The following ITGA8 variants were observed in gnomAD, a reference collection of about 807,000 sequenced individuals.
The protein encoded by ITGA8 is integrin alpha-8.
In ITGA8, 91 loss-of-function variants were observed where a neutral mutation model predicts 142.3. That is an observed-to-expected ratio of 0.64 (90% confidence interval 0.54 to 0.76). The LOEUF is 0.76. Among genes scored for constraint, ITGA8 ranks in the 30% least tolerant of loss-of-function variants. ITGA8 has a pLI of 0.00. For missense variants in ITGA8, 1,406 were observed against 1,327.7 expected (o/e 1.06, Z -0.92); for synonymous variants, 505 against 485.2 (o/e 1.04, Z -0.54).
chr10:15,537,165 A>T (rs748745792), intron 27 of ITGA8, among the ~76,000 whole-genome samples: 1 of 152,242 alleles, frequency 6.6e-6, no homozygotes, highest in Admixed American at 6.5e-5. Context: ...ATAACGCAAC[A>T]AGTCATATCC....
intron 13 of ITGA8, among the ~76,000 whole-genome samples, chr10:15,621,213 G>C (rs1833485025): frequency 6.6e-6 from 1 of 150,948 alleles, no homozygotes. Context: ...ATTAAAATTG[G>C]GTCTTTCCTT....
chr10:15,668,205 G>A (rs942539766), intron 8 of ITGA8, among the ~76,000 whole-genome samples: 1 of 152,092 alleles, frequency 6.6e-6, no homozygotes, highest in Non-Finnish European at 1.5e-5. Flanking sequence ...GGGTGCTTCT[G>A]TATTGGGTGC....
chr10:15,655,321 T>C, intron 11 of ITGA8, 33 bp downstream of exon 11: 1 of 1,321,406 alleles, frequency 7.6e-7, no homozygotes, highest in South Asian at 1.2e-5. Flanking sequence ...ATGAATGTAA[T>C]ATATTGTATA....
At chr10:15,628,836 A>G (rs1833634582) in intron 13 of ITGA8, among the ~76,000 whole-genome samples, 1 of 152,002 alleles carries the variant, frequency 6.6e-6, no homozygotes, top group Non-Finnish European at 1.5e-5. Flanking sequence ...CATGTACCCC[A>G]TAACTACAAA....
rs7080928 is a variant in ITGA8 at position 15,535,364 on chromosome 10, G to A, written c.2881-4213C>T. ...GGCAGGCAGCTCCACCTGCGGCGCC[G>A]GTGCGGGATCCACTAGGCGAAGCCA... On this transcript the variant is annotated intron_variant, in intron 27 of 29. Transcript: ENST00000378076. 4.1e-4 allele frequency among the ~76,000 whole-genome samples: 62 copies of A among 152,206 alleles called. 1 individual carries two copies. The highest frequency in any genetic ancestry group is 7.6e-4 in the Non-Finnish European group (52 of 68,004).
intron 8 of ITGA8, among the ~76,000 whole-genome samples, chr10:15,662,388 T>G (rs1834306468): frequency 7.2e-6 from 1 of 138,588 alleles, no homozygotes; most frequent in South Asian, 2.3e-4. Flanking sequence ...CAGCCTGGAG[T>G]GTAGTGGCAT....
intron 26 of ITGA8, among the ~76,000 whole-genome samples, chr10:15,557,390 A>C (rs1209227779): frequency 6.6e-6 from 1 of 152,174 alleles, no homozygotes; most frequent in Non-Finnish European, 1.5e-5. Context: ...CGAACAAACA[A>C]AAAAAGTGCT....
chr10:15,594,192 C>G (rs1832975736), intron 21 of ITGA8, among the ~76,000 whole-genome samples: 1 of 151,978 alleles, frequency 6.6e-6, no homozygotes, highest in Admixed American at 6.6e-5. Context: ...AGGCTCTTCT[C>G]TCCTTTTTAG....
chr10:15,694,198 TATATC>T (rs1422586748), intron 2 of ITGA8, among the ~76,000 whole-genome samples: 7 of 142,076 alleles, frequency 4.9e-5, no homozygotes, highest in South Asian at 4.3e-4. Flanking sequence ...TATATGATAA[TATATC>T]ATATATATGA....
chr10:15,598,849 G>A (rs972438751), intron 20 of ITGA8, among the ~76,000 whole-genome samples: 4 of 152,028 alleles, frequency 2.6e-5, no homozygotes, highest in Admixed American at 6.6e-5. Flanking sequence ...TAGTTACGTC[G>A]GATGAGCTAA....
chr10:15,575,548 G>C lies in ITGA8; in HGVS notation c.2419C>G (p.Pro807Ala), dbSNP rs371823194. 1.9e-6 allele frequency: 3 copies of C among 1,614,020 alleles called. No individual in the cohort carries two copies. In the Admixed American group the frequency reaches 5.0e-5, roughly 27 times the overall value. The change falls in exon 24 of 30, where the codon CCA becomes GCA. Residue 807 changes from proline to alanine, a missense_variant. Physicochemically the swap from Pro to Ala is conservative, Grantham distance 27. Transcript: ENST00000378076. ...TCCTCTTTGTGGGGCTCCTCTTCTG[G>C]TTCCCAGTTATGAATGGGCAGAACA... ...QIVLPIHNWE[P>A]EEEPHKEEEV...
intron 13 of ITGA8, among the ~76,000 whole-genome samples, chr10:15,627,743 C>T (rs190286290): frequency 4.7e-4 from 71 of 152,196 alleles, no homozygotes; most frequent in Non-Finnish European, 8.4e-4. Flanking sequence ...TGTTTTTATG[C>T]CTCCTACTGT....
At chr10:15,524,662 G>A (rs901875919) in intron 28 of ITGA8, among the ~76,000 whole-genome samples, 20 of 152,214 alleles carry the variant, frequency 1.3e-4, no homozygotes, top group African/African-American at 4.8e-4. Flanking sequence ...GCTCTGTATA[G>A]ATAAACTAGA....
intron 26 of ITGA8, among the ~76,000 whole-genome samples, chr10:15,550,422 T>C (rs1410718822): frequency 6.6e-6 from 1 of 152,226 alleles, no homozygotes; most frequent in Non-Finnish European, 1.5e-5. Context: ...GCTGACATGC[T>C]GTGTACCACT....
intron 2 of ITGA8, among the ~76,000 whole-genome samples, chr10:15,695,427 A>G (rs1346113148): frequency 1.3e-5 from 2 of 152,208 alleles, no homozygotes; most frequent in African/African-American, 4.8e-5. Flanking sequence ...TAAGATATAT[A>G]TGGGTTGACT....
chr10:15,605,692 T>C (rs1351454243), intron 19 of ITGA8, 32 bp downstream of exon 19: 1 of 1,543,194 alleles, frequency 6.5e-7, no homozygotes, highest in Non-Finnish European at 9.0e-7. Flanking sequence ...TTCCATTAGA[T>C]AGAAAGTACA....
chr10:15,517,020 G>A lies in ITGA8; in HGVS notation c.*138C>T, dbSNP rs1832974483. 4.4e-6 allele frequency: 2 copies of A among 453,094 alleles called. No individual in the cohort carries two copies. Among genetic ancestry groups the A allele is most frequent in the Non-Finnish European group, 3.8e-6 (1 of 265,354 alleles). 28.1% of individuals were successfully genotyped at this position (453,094 alleles called of 1,614,324 possible). On this transcript the variant is annotated 3_prime_UTR_variant, in exon 30 of 30. Coordinates refer to ENST00000378076, the MANE Select transcript of ITGA8 (RefSeq NM_003638.3). ...TTTCTCCAAAGTGCGGTGTAGATGA[G>A]GTGATGTTTCCAGGGTCCCCTCCAT...
chr10:15,676,492 C>T (rs772193507), intron 6 of ITGA8, among the ~76,000 whole-genome samples: 27 of 152,008 alleles, frequency 1.8e-4, no homozygotes, highest in East Asian at 1.9e-4. Flanking sequence ...GCCTTTGCTT[C>T]GGATTGTGTA....
chr10:15,535,186 G>C (rs925649670), intron 27 of ITGA8, among the ~76,000 whole-genome samples: 1 of 152,116 alleles, frequency 6.6e-6, no homozygotes, highest in African/African-American at 2.4e-5. Flanking sequence ...GCAGGGCTCG[G>C]GACCTGCAGC....
Sources: gnomAD v4.1 joint callset for allele counts (sites outside exome capture counted in the v4.1 genomes callset) on GRCh38, gnomAD v4.1.1 for gene constraint, MANE v1.5 for transcripts, NCBI Gene and HGNC (gene_info 2026-07-23, HGNC 2026-07-21) for gene names.